Variants in ARID1B observed in about 807,000 individuals in gnomAD.
The protein encoded by ARID1B is AT-rich interaction domain 1B.
ARID1B carries 30 observed loss-of-function variants against 212.3 expected under a neutral mutation model. The observed-to-expected ratio is 0.14, with a 90% CI of 0.11 to 0.19. The LOEUF is 0.19. Among genes scored for constraint, ARID1B ranks in the 10% least tolerant of loss-of-function variants. The pLI, the probability that ARID1B is intolerant of heterozygous loss-of-function variation, is 1.00. For missense variants in ARID1B, 2,891 were observed against 3,204.0 expected (o/e 0.90, Z 2.36); for synonymous variants, 1,402 against 1,301.7 (o/e 1.08, Z -1.66).
chr6:157,101,451 T>A (rs2128495485), intron 5 of ARID1B, among the ~76,000 whole-genome samples: 1 of 152,328 alleles, frequency 6.6e-6, no homozygotes, highest in South Asian at 2.1e-4. Flanking sequence ...ACAGAGTTTA[T>A]GAAGAGGGCC....
intron 8 of ARID1B, among the ~76,000 whole-genome samples, chr6:157,154,176 A>G (rs1175034054): frequency 1.3e-5 from 2 of 152,224 alleles, no homozygotes; most frequent in East Asian, 3.8e-4. Context: ...AGGAGGAAGC[A>G]TGATTTCACT....
intron 6 of ARID1B, among the ~76,000 whole-genome samples, chr6:157,114,725 C>T (rs960536453): frequency 6.6e-6 from 1 of 151,658 alleles, no homozygotes; most frequent in African/African-American, 2.4e-5. Context: ...TTTAATGTAC[C>T]CACAGGAGAT....
chr6:156,845,480 G>A (rs1784173602), intron 2 of ARID1B, among the ~76,000 whole-genome samples: 1 of 152,002 alleles, frequency 6.6e-6, no homozygotes, highest in Admixed American at 6.6e-5. Flanking sequence ...TTGTCAGAAA[G>A]GTGGCCTTAA....
At position 156,984,413 on chromosome 6, in the gene ARID1B, CT is replaced by C. The variant is rs199890431; in HGVS notation, c.2247+48838del. On this transcript the variant is annotated intron_variant, in intron 4 of 19. Coordinates refer to ENST00000636930, the MANE Select transcript of ARID1B (RefSeq NM_001374828.1). ...CATGCTCTTTTAAGGTACCAGAATA[CT>C]GGGAAAAAAAGGGCGTTCTGGATAA... Among the ~76,000 whole-genome samples the C allele has an allele frequency of 3.0e-3, 455 of 152,196 alleles. 4 individuals are homozygous for C. Among genetic ancestry groups the C allele is most frequent in the African/African-American group, 0.01 (433 of 41,524 alleles).
chr6:157,068,149 A>G (rs1003065390), intron 4 of ARID1B, among the ~76,000 whole-genome samples: 1 of 152,246 alleles, frequency 6.6e-6, no homozygotes, highest in African/African-American at 2.4e-5. Context: ...TTCCATGGGA[A>G]ATCAGCAGAC....
At chr6:156,829,694 G>T (rs1033994630) in intron 2 of ARID1B, 8 of 335,850 alleles carry the variant, frequency 2.4e-5, no homozygotes, top group Non-Finnish European at 3.8e-5. Context: ...TTTGCAGCAG[G>T]TTATAACAGA....
Position 156,777,934 on chromosome 6 carries a change from C to T in ARID1B, c.254C>T (p.Ala85Val). Reference protein sequence around the residue: ...PLLPRHELNMAHNAGAAAAAG... With the variant: ...PLLPRHELNMVHNAGAAAAAG... ...CTCCCCCGTCACGAACTCAACATGG[C>T]CCATAACGCGGGCGCCGCGGCCGCC... is the stretch of plus-strand genomic sequence containing the variant. Residue 85 changes from alanine to valine, a missense_variant, in exon 1 of 20, where the codon GCC becomes GTC. Around this residue, in one of 7 missense-constraint regions of ARID1B, gnomAD observed 1,643 missense variants for 1,544.0 expected, o/e 1.06. Coordinates refer to ENST00000636930, the MANE Select transcript of ARID1B (RefSeq NM_001374828.1). 6.5e-7 allele frequency: 1 copy of T among 1,528,076 alleles called. No individual in the cohort carries two copies. The highest frequency in any genetic ancestry group is 8.7e-7 in the Non-Finnish European group (1 of 1,144,146). 94.7% of individuals were successfully genotyped at this position (1,528,076 alleles called of 1,614,324 possible).
At chr6:157,053,241 A>C (rs893814061) in intron 4 of ARID1B, among the ~76,000 whole-genome samples, 1 of 152,010 alleles carries the variant, frequency 6.6e-6, no homozygotes, top group Non-Finnish European at 1.5e-5. Flanking sequence ...GCCTACCGCT[A>C]TGCCTGGCTA....
At chr6:157,099,049 C>T (rs538553144) in intron 5 of ARID1B, among the ~76,000 whole-genome samples, 14 of 152,224 alleles carry the variant, frequency 9.2e-5, no homozygotes, top group South Asian at 2.1e-4. Context: ...CTGCAGCTTC[C>T]GCCTCTCAGG....
chr6:157,163,127 A>T (rs1383514421), intron 8 of ARID1B, among the ~76,000 whole-genome samples: 7 of 151,870 alleles, frequency 4.6e-5, no homozygotes, highest in African/African-American at 1.7e-4. Context: ...ACTTCTTAAC[A>T]CTCCTAATTC....
chr6:156,870,647 T>G (rs1786054396), intron 2 of ARID1B: 1 of 152,130 alleles, frequency 6.6e-6, no homozygotes, highest in African/African-American at 2.4e-5. Flanking sequence ...TGTGGTAACT[T>G]AGACCTGGTG....
intron 3 of ARID1B, among the ~76,000 whole-genome samples, chr6:156,923,779 A>G (rs1790998630): frequency 6.7e-6 from 1 of 149,416 alleles, no homozygotes; most frequent in Non-Finnish European, 1.5e-5. Flanking sequence ...ATCTCGGCTC[A>G]CTGCATCCTC....
intron 4 of ARID1B, among the ~76,000 whole-genome samples, chr6:157,065,425 T>C (rs557104804): frequency 1.8e-4 from 27 of 152,370 alleles, no homozygotes; most frequent in Middle Eastern, 3.4e-3. Context: ...TTTATACTTT[T>C]ATTTTAAATT....
intron 4 of ARID1B, among the ~76,000 whole-genome samples, chr6:157,064,618 C>G (rs1299386573): frequency 6.6e-6 from 1 of 152,300 alleles, no homozygotes; most frequent in East Asian, 1.9e-4. Flanking sequence ...TTTCTGGATT[C>G]GCCGAGAACA....
chr6:156,859,379 C>A (rs963438108), intron 2 of ARID1B, among the ~76,000 whole-genome samples: 1 of 152,186 alleles, frequency 6.6e-6, no homozygotes. Flanking sequence ...TTTCTGTCAT[C>A]CCTTACACTA....
chr6:156,798,145 T>G (rs1226249401), intron 1 of ARID1B, among the ~76,000 whole-genome samples: 3 of 152,224 alleles, frequency 2.0e-5, no homozygotes, highest in Non-Finnish European at 4.4e-5. Flanking sequence ...TGATGTGTTG[T>G]TCTTTTGCTG....
chr6:156,779,519 C>G (rs1048427547), intron 1 of ARID1B, 48 bp downstream of exon 1: 2 of 1,258,902 alleles, frequency 1.6e-6, no homozygotes, highest in Non-Finnish European at 2.0e-6. Context: ...GGCCTCGCCG[C>G]GCCGCGAGCC....
chr6:156,922,172 CCTTTTT>C (rs1160524964), intron 3 of ARID1B, among the ~76,000 whole-genome samples: 1 of 140,348 alleles, frequency 7.1e-6, no homozygotes, highest in Non-Finnish European at 1.6e-5. Flanking sequence ...TATAGGTTGC[CCTTTTT>C]TTTTTTTTTT....
intron 4 of ARID1B, among the ~76,000 whole-genome samples, chr6:156,985,950 C>A (rs188989062): frequency 6.6e-6 from 1 of 152,136 alleles, no homozygotes; most frequent in African/African-American, 2.4e-5. Flanking sequence ...TGCTTTATTT[C>A]GAGATGTAAT....
Sources: allele counts gnomAD v4.1 joint callset (sites outside exome capture counted in the v4.1 genomes callset), GRCh38; gene constraint gnomAD v4.1.1; regional missense constraint gnomAD v4.1.1; transcripts MANE v1.5; gene names NCBI Gene and HGNC (gene_info 2026-07-23, HGNC 2026-07-21).